Variants in GMDS observed in about 807,000 individuals in gnomAD.
GMDS encodes GDP-mannose 4,6-dehydratase.
In GMDS, 20 loss-of-function variants were observed where a neutral mutation model predicts 49.9. The ratio of observed to expected loss-of-function variants is 0.40; its 90% CI spans 0.28 to 0.58. GMDS has a LOEUF of 0.58. Ranked by LOEUF, GMDS falls within the 20% of genes least tolerant of loss-of-function variation. The pLI is 0.42. For synonymous variants in GMDS, 177 were observed against 178.6 expected, an observed-to-expected ratio of 0.99 and a Z score of 0.07; for missense variants, 362 against 481.4, an observed-to-expected ratio of 0.75 and a Z score of 2.32.
chr6:1,987,899 T>C (rs1765659272), intron 4 of GMDS, among the ~76,000 whole-genome samples: 1 of 152,132 alleles, frequency 6.6e-6, no homozygotes, highest in Non-Finnish European at 1.5e-5. Context: ...ATTATATTTA[T>C]TTTACCTCTC....
chr6:1,942,327 G>A (rs1762861216), intron 6 of GMDS, among the ~76,000 whole-genome samples: 1 of 152,136 alleles, frequency 6.6e-6, no homozygotes, highest in Non-Finnish European at 1.5e-5. Flanking sequence ...CCTCTAGTAG[G>A]CCACAAATGA....
chr6:2,202,048 G>C (rs564158324), intron 1 of GMDS, among the ~76,000 whole-genome samples: 26 of 143,562 alleles, frequency 1.8e-4, no homozygotes, highest in African/African-American at 6.5e-4. Context: ...TAGGCAGTGA[G>C]GGCAGCGCGT....
rs748622436 is a variant in GMDS at position 1,960,911 on chromosome 6, C to T, written c.401G>A (p.Arg134Gln). Residue 134 changes from arginine to glutamine, a missense_variant, in exon 5 of 11, where the codon CGA becomes CAA. By Grantham distance (43) the Arg-to-Gln change is conservative. Transcript: ENST00000380815. Reference sequence around the variant, plus strand: ...ACAAGTCTTAACTGCATCTAGAAGTCGTAGAGTGCCAACTCCGTCAACGTC... The same window carrying T: ...ACAAGTCTTAACTGCATCTAGAAGTTGTAGAGTGCCAACTCCGTCAACGTC... ...TADVDGVGTLRLLDAVKTCGL... is the reference protein window; with the variant it reads ...TADVDGVGTLQLLDAVKTCGL... The T allele has an allele frequency of 2.5e-6, 4 of 1,604,042 alleles. No homozygotes were observed. The highest frequency in any genetic ancestry group is 1.7e-4 in the Middle Eastern group (1 of 6,024).
chr6:1,681,947 C>T (rs6929974), intron 9 of GMDS, among the ~76,000 whole-genome samples: 34,600 of 151,812 alleles, frequency 0.23, 4,171 homozygotes, highest in East Asian at 0.49. Flanking sequence ...CATCTGCCTT[C>T]GCCTCCCAAA....
chr6:1,753,534 G>A (rs1401472269), intron 7 of GMDS, among the ~76,000 whole-genome samples: 4 of 152,218 alleles, frequency 2.6e-5, no homozygotes, highest in African/African-American at 7.2e-5. Flanking sequence ...TGGACCAAGC[G>A]GATCTAATAG....
At chr6:1,779,758 A>C (rs1769002415) in intron 7 of GMDS, among the ~76,000 whole-genome samples, 1 of 152,164 alleles carries the variant, frequency 6.6e-6, no homozygotes, top group African/African-American at 2.4e-5. Flanking sequence ...CACTGACCAA[A>C]TTCAATTTCT....
At chr6:1,636,747 A>T (rs536058262) in intron 9 of GMDS, among the ~76,000 whole-genome samples, 20 of 152,306 alleles carry the variant, frequency 1.3e-4, no homozygotes, top group African/African-American at 4.3e-4. Flanking sequence ...ATGTCCTTGC[A>T]AGTTTGATTC....
intron 9 of GMDS, among the ~76,000 whole-genome samples, chr6:1,645,056 C>T (rs1230540819): frequency 6.6e-6 from 1 of 151,932 alleles, no homozygotes; most frequent in Non-Finnish European, 1.5e-5. Flanking sequence ...TTGCCTCAGC[C>T]TCATGAGTAG....
intron 4 of GMDS, among the ~76,000 whole-genome samples, chr6:1,977,563 C>T (rs1764978706): frequency 6.6e-6 from 1 of 152,096 alleles, no homozygotes; most frequent in Non-Finnish European, 1.5e-5. Context: ...GCTGAAATAC[C>T]TAGGTTATCG....
chr6:1,951,902 G>C, intron 6 of GMDS: 2 of 985,222 alleles, frequency 2.0e-6, no homozygotes, highest in Non-Finnish European at 2.4e-6. Flanking sequence ...GAGACATTCC[G>C]TTTCCAACTT....
intron 4 of GMDS, among the ~76,000 whole-genome samples, chr6:1,978,581 C>A (rs1376082086): frequency 6.6e-6 from 1 of 152,144 alleles, no homozygotes; most frequent in East Asian, 1.9e-4. Flanking sequence ...CCTCCCACCC[C>A]ATGTTCTTTG....
intron 7 of GMDS, among the ~76,000 whole-genome samples, chr6:1,788,785 A>C (rs1769415390): frequency 6.6e-6 from 1 of 152,232 alleles, no homozygotes; most frequent in Non-Finnish European, 1.5e-5. Context: ...TTTTAGTTAA[A>C]ATAAAAAAAT....
chr6:1,901,484 C>A (rs1760502714), intron 7 of GMDS, among the ~76,000 whole-genome samples: 1 of 152,092 alleles, frequency 6.6e-6, no homozygotes, highest in Admixed American at 6.5e-5. Flanking sequence ...GGTCAGGCCA[C>A]CTATTTTAAG....
At chr6:1,810,429 T>C (rs2113678848) in intron 7 of GMDS, among the ~76,000 whole-genome samples, 1 of 152,240 alleles carries the variant, frequency 6.6e-6, no homozygotes, top group Admixed American at 6.5e-5. Flanking sequence ...ACTACAGGTG[T>C]GTGCCACCAC....
chr6:1,812,635 C>A (rs959926404), intron 7 of GMDS, among the ~76,000 whole-genome samples: 2 of 152,090 alleles, frequency 1.3e-5, no homozygotes, highest in African/African-American at 4.8e-5. Flanking sequence ...AGGAGGACAA[C>A]TCGATTCCAG....
chr6:1,813,251 T>A (rs1010062808), intron 7 of GMDS, among the ~76,000 whole-genome samples: 1 of 146,092 alleles, frequency 6.8e-6, no homozygotes, highest in Non-Finnish European at 1.5e-5. Context: ...AAAAAAAACC[T>A]TAATTAAAAA....
intron 4 of GMDS, among the ~76,000 whole-genome samples, chr6:1,969,013 G>T (rs1204063571): frequency 6.6e-6 from 1 of 151,994 alleles, no homozygotes; most frequent in Non-Finnish European, 1.5e-5. Context: ...TGTAATCCCA[G>T]CACTTTGGGA....
intron 7 of GMDS, among the ~76,000 whole-genome samples, chr6:1,859,849 A>G (rs1758102831): frequency 6.6e-6 from 1 of 152,262 alleles, no homozygotes; most frequent in South Asian, 2.1e-4. Context: ...TGAAGAACAA[A>G]CATCATAATG....
Position 1,833,917 on chromosome 6 carries a change from A to G in GMDS, c.772-91331T>C, listed in dbSNP as rs542186873. Among the ~76,000 whole-genome samples the G allele has an allele frequency of 6.6e-6, 1 of 152,326 alleles. No individual in the cohort carries two copies. The highest frequency in any genetic ancestry group is 1.9e-4 in the East Asian group (1 of 5,186). ...TGCTCTCCTTAAAATCACAATGCAT[A>G]TATCGCATCAAATCCATAGAACAAC... On this transcript the variant is annotated intron_variant, in intron 7 of 10. Coordinates refer to ENST00000380815, the MANE Select transcript of GMDS (RefSeq NM_001500.4). This position sits in a 1 kb window ranked among gnomAD's most constrained non-coding sequence, Gnocchi z 4.4.
Sources: gnomAD v4.1 joint callset for allele counts (sites outside exome capture counted in the v4.1 genomes callset) on GRCh38, gnomAD v4.1.1 for gene constraint, Gnocchi (gnomAD v3.1) non-coding constraint, MANE v1.5 for transcripts, NCBI Gene and HGNC (gene_info 2026-07-23, HGNC 2026-07-21) for gene names.